The following CUL2 variants were observed in gnomAD, a reference collection of about 807,000 sequenced individuals.
CUL2 encodes the protein cullin 2.
A neutral mutation model predicts 110.2 loss-of-function variants in CUL2; 22 were observed. The ratio of observed to expected loss-of-function variants is 0.20; its 90% CI spans 0.14 to 0.28. The LOEUF (loss-of-function observed/expected upper bound fraction) is 0.28. Among genes scored for constraint, CUL2 ranks in the 10% least tolerant of loss-of-function variants. CUL2 has a pLI of 1.00. For missense variants in CUL2, 631 were observed against 905.5 expected, an observed-to-expected ratio of 0.70 and a Z score of 3.89; for synonymous variants, 279 against 293.2, an observed-to-expected ratio of 0.95 and a Z score of 0.49.
At chr10:35,088,499 C>A (rs1281921585) in intron 1 of CUL2, among the ~76,000 whole-genome samples, 521 of 88,404 alleles carry the variant, frequency 5.9e-3, no homozygotes, top group African/African-American at 0.015. Flanking sequence ...GACTCCGCCT[C>A]AAAAAAAAAA....
In CUL2 at chr10:35,013,771, T is replaced by C. The variant is rs1163374206; in HGVS notation, c.1917A>G (p.Ser639=). 1 of 1,552,782 alleles carries C rather than the reference T, an allele frequency of 6.4e-7. No individual in the cohort carries two copies. The highest frequency in any genetic ancestry group is 2.3e-5 in the East Asian group (1 of 44,024). The change falls in exon 19 of 21, where the codon TCA becomes TCG. Residue 639 remains serine, a synonymous_variant. Transcript: ENST00000374749. ...KEDIDAESSF[S]LNMNFSSKRT... Reference sequence around the variant, plus strand: ...TTTTACTGCTAAAGTTCATATTTAATGAAAACGAAGATTCTGCATCAATAT... The same window carrying C: ...TTTTACTGCTAAAGTTCATATTTAACGAAAACGAAGATTCTGCATCAATAT...
chr10:35,060,832 G>A (rs1452341844), intron 4 of CUL2, 42 bp downstream of exon 4: 38 of 1,496,984 alleles, frequency 2.5e-5, no homozygotes, highest in Non-Finnish European at 3.5e-5. Context: ...CTGAATGCAG[G>A]CAACGCTGCT....
chr10:35,090,043 C>G (rs2087167805), intron 1 of CUL2, 136 bp downstream of exon 1: 1 of 152,296 alleles, frequency 6.6e-6, no homozygotes, highest in Non-Finnish European at 1.5e-5. Flanking sequence ...TCTTCCCGGG[C>G]CTCCCCCTTT....
At chr10:35,111,948 A>C (rs1285927211) in intron 1 of CUL2, among the ~76,000 whole-genome samples, 1 of 152,240 alleles carries the variant, frequency 6.6e-6, no homozygotes, top group Non-Finnish European at 1.5e-5. Flanking sequence ...CCTACTGTCC[A>C]GAGATTGGGA....
chr10:35,075,893 A>AT (rs2086807343), intron 1 of CUL2, among the ~76,000 whole-genome samples: 1 of 152,200 alleles, frequency 6.6e-6, no homozygotes, highest in African/African-American at 2.4e-5. Flanking sequence ...CGCAGCTACC[A>AT]TATGACCCAG....
chr10:35,031,653 G>A lies in CUL2; in HGVS notation c.1171-34C>T. The stretch of plus-strand genomic sequence containing the variant: ...GAAATTGATAATAAATCTTACAAAG[G>A]GTGCTTCTGTATATATCACGCCTCA... On this transcript the variant is annotated intron_variant, in intron 12 of 20. Transcript: ENST00000374749. This position sits in a 1 kb window ranked among gnomAD's most constrained non-coding sequence, Gnocchi z 4.4. 1 of 1,612,102 alleles carries A rather than the reference G, an allele frequency of 6.2e-7. No individual in the cohort carries two copies. The highest frequency in any genetic ancestry group is 8.5e-7 in the Non-Finnish European group (1 of 1,179,354).
intron 1 of CUL2, among the ~76,000 whole-genome samples, chr10:35,076,584 T>C (rs2135018711): frequency 6.6e-6 from 1 of 152,268 alleles, no homozygotes; most frequent in South Asian, 2.1e-4. Context: ...TACGACCTCA[T>C]TGCCACCTCC....
chr10:35,107,653 C>T (rs932731077), intron 1 of CUL2, among the ~76,000 whole-genome samples: 24 of 150,700 alleles, frequency 1.6e-4, no homozygotes, highest in African/African-American at 3.7e-4. Context: ...GAGGCCGAGG[C>T]GGGTGAATCA....
At chr10:35,063,488 T>C (rs927524482) in intron 2 of CUL2, among the ~76,000 whole-genome samples, 3 of 152,180 alleles carry the variant, frequency 2.0e-5, no homozygotes, top group African/African-American at 7.2e-5. Flanking sequence ...GTCTAAGCAA[T>C]TCTGAGAAAC....
intron 1 of CUL2, among the ~76,000 whole-genome samples, chr10:35,107,385 A>T (rs1190453277): frequency 6.6e-6 from 1 of 152,162 alleles, no homozygotes. Flanking sequence ...GCAGTTTATT[A>T]CTTCAAGTGT....
intron 1 of CUL2, among the ~76,000 whole-genome samples, chr10:35,076,703 T>C (rs942820634): frequency 3.3e-5 from 5 of 152,184 alleles, no homozygotes; most frequent in African/African-American, 1.2e-4. Flanking sequence ...TTCATCTGTT[T>C]TACATAAATG....
intron 1 of CUL2, among the ~76,000 whole-genome samples, chr10:35,104,035 C>T (rs1469136637): frequency 3.9e-5 from 6 of 152,148 alleles, no homozygotes; most frequent in Admixed American, 6.5e-5. Flanking sequence ...TCATTTCTGT[C>T]TCCAACATCT....
At chr10:35,047,893 G>T (rs1341743092) in intron 6 of CUL2, among the ~76,000 whole-genome samples, 1 of 151,770 alleles carries the variant, frequency 6.6e-6, no homozygotes, top group African/African-American at 2.4e-5. Flanking sequence ...AGACAGAGTG[G>T]GAATCCTGTC....
rs540372788 is a variant in CUL2 at position 35,009,560 on chromosome 10, C to T, written c.*751G>A. On this transcript the variant is annotated 3_prime_UTR_variant, in exon 21 of 21. Transcript: ENST00000374749. ...ACTTGAGGTCACCAAGCATCCTGCTCACACTCTGCGATGTCTGTGGAGTAG... is the reference window on the plus strand; with the variant it reads ...ACTTGAGGTCACCAAGCATCCTGCTTACACTCTGCGATGTCTGTGGAGTAG... The T allele has an allele frequency of 6.6e-6, 1 of 152,314 alleles. No homozygotes were observed. The highest frequency in any genetic ancestry group is 1.9e-4 in the East Asian group (1 of 5,188). The allele number at this position is 152,314 out of a possible 1,614,324, so 9.4% of individuals were successfully genotyped here.
chr10:35,071,081 GATAAT>G (rs1320807857), intron 2 of CUL2, 113 bp downstream of exon 2: 5 of 950,334 alleles, frequency 5.3e-6, no homozygotes, highest in Admixed American at 2.5e-5. Flanking sequence ...AAATGTAGAT[GATAAT>G]ATATTAGAAA....
At chr10:35,096,794 G>A (rs2087305598) in intron 2 of CUL2, among the ~76,000 whole-genome samples, 1 of 149,758 alleles carries the variant, frequency 6.7e-6, no homozygotes, top group South Asian at 2.1e-4. Context: ...GTAGAAAGAT[G>A]TAGCTTCAGG....
rs527454039 is a variant in CUL2 at position 35,069,175 on chromosome 10, T to G, written c.119+2024A>C. On this transcript the variant is annotated intron_variant, in intron 2 of 20. Coordinates refer to ENST00000374749, the MANE Select transcript of CUL2 (RefSeq NM_003591.4). ...AGACAACGTGCCCGGCCTGTACTCT[T>G]TAATCATTATTTTTGCAGACTTTTT... 2.6e-5 allele frequency among the ~76,000 whole-genome samples: 4 copies of G among 152,156 alleles called. No individual in the cohort carries two copies. The South Asian group carries it at 8.3e-4, about 32-fold the overall frequency.
At chr10:35,019,546 AAAC>A (rs942272213) in intron 17 of CUL2, among the ~76,000 whole-genome samples, 16 of 152,214 alleles carry the variant, frequency 1.1e-4, no homozygotes, top group African/African-American at 3.9e-4. Context: ...CACAAATGAG[AAAC>A]AACAAGAGTG....
chr10:35,044,537 A>G, intron 8 of CUL2, 29 bp downstream of exon 8: 1 of 1,396,144 alleles, frequency 7.2e-7, no homozygotes, highest in Non-Finnish European at 9.9e-7. Context: ...CAAAATAGAT[A>G]AATGTATTCG....
Sources: allele counts gnomAD v4.1 joint callset (sites outside exome capture counted in the v4.1 genomes callset), GRCh38; gene constraint gnomAD v4.1.1; non-coding constraint Gnocchi (gnomAD v3.1); transcripts MANE v1.5; gene names NCBI Gene and HGNC (gene_info 2026-07-23, HGNC 2026-07-21).